Variants in WASHC2C observed in about 807,000 individuals in gnomAD.
WASHC2C encodes the protein Vaccinia Penetration Factor.
Under a neutral mutation model 142.2 loss-of-function variants are expected in WASHC2C, and 73 were observed. The observed-to-expected ratio is 0.51, with a 90% CI of 0.43 to 0.62. The LOEUF (loss-of-function observed/expected upper bound fraction) is 0.62, where lower values mean the gene tolerates loss of function less well. WASHC2C is among the 20% of genes least tolerant of loss of function. The pLI, the probability that WASHC2C is intolerant of heterozygous loss-of-function variation, is 0.00. For synonymous variants in WASHC2C, 337 were observed against 565.5 expected (o/e 0.60, Z 5.73); for missense variants, 969 against 1,531.7 (o/e 0.63, Z 6.13).
At chr10:45,766,849 CT>C (rs1200039204) in intron 19 of WASHC2C, among the ~76,000 whole-genome samples, 1 of 151,964 alleles carries the variant, frequency 6.6e-6, no homozygotes, top group Non-Finnish European at 1.5e-5. Context: ...AATAATTCCT[CT>C]TTTTTTTAAC....
rs1333700196 is a variant in WASHC2C, at chr10:45,763,487, G to T, written c.1735G>T (p.Glu579Ter). Residue 579 changes from glutamate (E) to a stop codon, truncating the protein, a stop_gained and splice_region_variant, in exon 18 of 31, where the codon GAG becomes TAG. Transcript: ENST00000623400. LOFTEE classifies it high-confidence loss of function. ...SVSLFDDEDE[E>*]DNLFGGTAAK... ...TTCCCTGTTTGATGATGAAGATGAA[G>T]AGGTAAACATTGTTATTGTAACACT... The T allele has an allele frequency of 2.4e-5, 15 of 625,342 alleles. No homozygotes were observed. The highest frequency in any genetic ancestry group is 3.2e-5 in the Non-Finnish European group (11 of 345,934). The allele number at this position is 625,342 out of a possible 1,614,324, so 38.7% of individuals were successfully genotyped here. A position where few individuals can be genotyped will look rare whatever the true frequency, so the allele number is the denominator to read the frequency against.
At chr10:45,741,010 C>T (rs1188477570) in intron 5 of WASHC2C, among the ~76,000 whole-genome samples, 2 of 151,588 alleles carry the variant, frequency 1.3e-5, no homozygotes, top group Admixed American at 6.6e-5. Context: ...GTGCGTGGCA[C>T]GATGTTGGCT....
chr10:45,740,405 G>A (rs1236808155), intron 5 of WASHC2C, among the ~76,000 whole-genome samples, 159 bp downstream of exon 5: 1 of 152,074 alleles, frequency 6.6e-6, no homozygotes, highest in Non-Finnish European at 1.5e-5. Flanking sequence ...CTTTACCTGA[G>A]CACTGATGGA....
chr10:45,785,130 GCT>G (rs1485740114), intron 25 of WASHC2C, among the ~76,000 whole-genome samples: 26 of 152,144 alleles, frequency 1.7e-4, no homozygotes, highest in Non-Finnish European at 2.5e-4. Flanking sequence ...AATAATCCAG[GCT>G]CTCTGACTGT....
intron 3 of WASHC2C, among the ~76,000 whole-genome samples, chr10:45,729,923 A>C (rs1344868129): frequency 2.0e-5 from 3 of 152,248 alleles, no homozygotes; most frequent in African/African-American, 7.2e-5. Context: ...TAATAGCTCA[A>C]GTTAAATGCC....
At chr10:45,732,129 G>A (rs372062986) in intron 3 of WASHC2C, among the ~76,000 whole-genome samples, 7 of 152,060 alleles carry the variant, frequency 4.6e-5, no homozygotes, top group African/African-American at 1.7e-4. Context: ...TTCAATCCCT[G>A]ACATCAGTAC....
chr10:45,739,377 A>G (rs1463114488), intron 4 of WASHC2C, among the ~76,000 whole-genome samples: 1 of 150,210 alleles, frequency 6.7e-6, no homozygotes, highest in Non-Finnish European at 1.5e-5. Context: ...ATGACACTAA[A>G]TATTTTTCGG....
At chr10:45,751,711 C>T (rs2053609695) in intron 11 of WASHC2C, among the ~76,000 whole-genome samples, 158 bp downstream of exon 11, 1 of 152,220 alleles carries the variant, frequency 6.6e-6, no homozygotes, top group Non-Finnish European at 1.5e-5. Flanking sequence ...GACGCGGTGG[C>T]TCACACATGT....
At chr10:45,754,891 C>T in intron 14 of WASHC2C, 45 bp from the exon 15 acceptor site, 2 of 1,610,622 alleles carry the variant, frequency 1.2e-6, no homozygotes, top group South Asian at 1.1e-5. Context: ...TTCAACCGGC[C>T]CACACTGGCT....
chr10:45,791,140 A>T (rs1291672676), intron 30 of WASHC2C, among the ~76,000 whole-genome samples: 153 of 151,922 alleles, frequency 1.0e-3, no homozygotes, highest in Admixed American at 3.4e-3. Context: ...GCTGAGCCAC[A>T]TACACATTTC....
At chr10:45,766,399 G>A (rs1221000348) in intron 19 of WASHC2C, among the ~76,000 whole-genome samples, 1 of 145,058 alleles carries the variant, frequency 6.9e-6, no homozygotes, top group African/African-American at 2.6e-5. Flanking sequence ...GGAATAGGGA[G>A]GACTGGAATG....
chr10:45,768,993 T>C (rs1427436529), intron 19 of WASHC2C, among the ~76,000 whole-genome samples: 2 of 152,232 alleles, frequency 1.3e-5, no homozygotes, highest in African/African-American at 4.8e-5. Context: ...CAAAGAAAAG[T>C]CTTAAGCATG....
chr10:45,787,532 C>A lies in WASHC2C; in HGVS notation c.3087+285C>A, dbSNP rs2058131261. Among the ~76,000 whole-genome samples, 17 of 150,406 alleles carry A rather than the reference C, an allele frequency of 1.1e-4. No homozygotes were observed. The South Asian group carries it at 3.6e-3, about 32-fold the overall frequency. ...CACCTGCAGGTTTCCAGCACTGCCA[C>A]CTGGGGGTCTTCTAACCACAGAGCA... On this transcript the variant is annotated intron_variant, in intron 28 of 30. Transcript: ENST00000623400.
intron 17 of WASHC2C, among the ~76,000 whole-genome samples, 157 bp downstream of exon 17, chr10:45,759,558 G>A (rs1255808195): frequency 5.3e-5 from 8 of 152,164 alleles, no homozygotes; most frequent in Middle Eastern, 3.4e-3. Context: ...GGTGGTTCAT[G>A]CCTGTAATCC....
chr10:45,787,130 A>G lies in WASHC2C; in HGVS notation c.2970A>G (p.Ser990=). The G allele has an allele frequency of 6.3e-7, 1 of 1,592,338 alleles. No homozygotes were observed. The highest frequency in any genetic ancestry group is 1.1e-5 in the South Asian group (1 of 89,658). ...KPVLPELAFP[S]SEHRRSHGLE... ...TTTTGCCAGAATTGGCTTTTCCTTC[A>G]TCTGAACACAGAAGGAGCCACGGTC... Residue 990 remains serine, a synonymous_variant, in exon 28 of 31, where the codon TCA becomes TCG. Coordinates refer to ENST00000623400, the MANE Select transcript of WASHC2C (RefSeq NM_001330074.2).
At chr10:45,769,279 G>A (rs1332620527) in intron 19 of WASHC2C, among the ~76,000 whole-genome samples, 170 bp from the exon 20 acceptor site, 25 of 151,086 alleles carry the variant, frequency 1.7e-4, no homozygotes, top group African/African-American at 4.4e-4. Flanking sequence ...CACCACGCCC[G>A]GCTAATTTTC....
chr10:45,789,911 T>C (rs1371203776), intron 29 of WASHC2C, among the ~76,000 whole-genome samples: 1 of 152,162 alleles, frequency 6.6e-6, no homozygotes, highest in Non-Finnish European at 1.5e-5. Context: ...AATAAGACTT[T>C]CAGTGGCATT....
chr10:45,767,041 C>T (rs1418854043), intron 19 of WASHC2C, among the ~76,000 whole-genome samples: 1 of 151,806 alleles, frequency 6.6e-6, no homozygotes, highest in Non-Finnish European at 1.5e-5. Context: ...CTGAGGCAGG[C>T]AGATCACTTG....
chr10:45,786,873 A>G (rs1359013078), intron 27 of WASHC2C, 162 bp from the exon 28 acceptor site: 13 of 1,573,010 alleles, frequency 8.3e-6, no homozygotes, highest in Non-Finnish European at 1.1e-5. Context: ...TAGGTGTAAG[A>G]CGCTCTGTTT....
Sources: gnomAD v4.1 joint callset for allele counts (sites outside exome capture counted in the v4.1 genomes callset) on GRCh38, gnomAD v4.1.1 for gene constraint, MANE v1.5 for transcripts, NCBI Gene and HGNC (gene_info 2026-07-23, HGNC 2026-07-21) for gene names.